STXBP2: variants seen among roughly 807,000 people sequenced by gnomAD.
STXBP2 encodes syntaxin binding protein 2, also known as syntaxin-binding protein 2.
A neutral mutation model predicts 72.2 loss-of-function variants in STXBP2; 47 were observed. The ratio of observed to expected loss-of-function variants is 0.65; its 90% confidence interval spans 0.51 to 0.83. STXBP2 has a LOEUF of 0.83. Among genes scored for constraint, STXBP2 ranks in the 40% least tolerant of loss-of-function variants. The pLI is 0.00. For missense variants in STXBP2, 702 were observed against 807.6 expected, an observed-to-expected ratio of 0.87 and a Z score of 1.58; for synonymous variants, 367 against 338.7, an observed-to-expected ratio of 1.08 and a Z score of -0.92.
rs758638420 is a variant in STXBP2, at chr19:7,647,862, G to C, written c.*52G>C. ...CTTTCCAGAGAAATAAACTCTTCCC[G>C]TCGCTCTGCCAGCCAGTGCCTACCT... On this transcript the variant is annotated 3_prime_UTR_variant, in exon 19 of 19. Transcript: ENST00000221283. 1.4e-6 allele frequency: 2 copies of C among 1,424,934 alleles called. No individual in the cohort carries two copies. Among genetic ancestry groups the C allele is most frequent in the Middle Eastern group, 1.9e-4 (1 of 5,350 alleles). The allele number at this position is 1,424,934 out of a possible 1,614,324, so 88.3% of individuals were successfully genotyped here. A position where few individuals can be genotyped will look rare whatever the true frequency, so the allele number is the denominator to read the frequency against.
intron 4 of STXBP2, 133 bp downstream of exon 4, chr19:7,639,940 ATGTGTGTGC>A: frequency 1.3e-6 from 1 of 793,350 alleles, no homozygotes; most frequent in Non-Finnish European, 2.0e-6. Flanking sequence ...ATGTGTGTGC[ATGTGTGTGC>A]ATGTGTGTGT....
At chr19:7,633,371 T>G, upstream of STXBP2, 572 of 1,543,450 alleles carry the variant, frequency 3.7e-4, no homozygotes, top group Non-Finnish European at 4.6e-4. Flanking sequence ...TCTGAGACCT[T>G]GAGCTGGGGG....
chr19:7,640,232 GTCTGTGTGTA>G (rs1568464993), intron 4 of STXBP2: 1 of 530,826 alleles, frequency 1.9e-6, no homozygotes, highest in East Asian at 4.5e-5. Context: ...CTGTGTGTGC[GTCTGTGTGTA>G]TCTGTGTGTG....
chr19:7,630,605 G>A, the STXBP2 span: 8 of 1,537,264 alleles, frequency 5.2e-6, no homozygotes, highest in South Asian at 4.8e-5. Flanking sequence ...CTGTGGCTAT[G>A]TTCTGGGTTT....
chr19:7,640,189 TGTGTGTATGC>T (rs1280746494), intron 4 of STXBP2: 12 of 556,812 alleles, frequency 2.2e-5, no homozygotes, highest in East Asian at 1.2e-4. Flanking sequence ...TCTGTGTGCA[TGTGTGTATGC>T]GTGTGTATGT....
intron 1 of STXBP2, among the ~76,000 whole-genome samples, chr19:7,637,478 C>A (rs1472690952): frequency 6.6e-6 from 1 of 151,936 alleles, no homozygotes; most frequent in Non-Finnish European, 1.5e-5. Context: ...GGGTGCCTGC[C>A]GGGGGAGGAG....
chr19:7,633,021 C>T (rs949008981), upstream of STXBP2: 128 of 1,430,410 alleles, frequency 8.9e-5, 1 homozygote, highest in East Asian at 3.2e-3. Context: ...CCAATCCCGG[C>T]CCCCGCCCCA....
rs902340006 is a variant in STXBP2 at position 7,643,339 on chromosome 19, AG to A, written c.1107+98del. 3.3e-5 allele frequency: 32 copies of A among 977,076 alleles called. No individual in the cohort carries two copies. The African/African-American group carries it at 5.7e-4, about 18-fold the overall frequency. The allele number at this position is 977,076 out of a possible 1,614,324, so 60.5% of individuals were successfully genotyped here. On this transcript the variant is annotated intron_variant, in intron 13 of 18. Coordinates refer to ENST00000221283, the MANE Select transcript of STXBP2 (RefSeq NM_006949.4). ...CTGTAGAGATGGGGGGTTCTGGGGGAGGGGCAGGGCTTGTGGAGAGGTGGAG... is the reference window on the plus strand; with the variant it reads ...CTGTAGAGATGGGGGGTTCTGGGGGAGGGCAGGGCTTGTGGAGAGGTGGAG...
upstream of STXBP2, chr19:7,632,291 A>C: frequency 6.5e-7 from 1 of 1,528,016 alleles, no homozygotes; most frequent in Non-Finnish European, 8.9e-7. This position sits in a 1 kb window ranked among gnomAD's most constrained non-coding sequence, Gnocchi z 5.2. Flanking sequence ...GCGGATGGAC[A>C]GAGATGGGGC....
In STXBP2 at chr19:7,647,490, G is replaced by A. The variant is rs1037693196; in HGVS notation, c.1675G>A (p.Gly559Ser). 1.2e-6 allele frequency: 2 copies of A among 1,604,666 alleles called. No individual in the cohort carries two copies. Among genetic ancestry groups the A allele is most frequent in the South Asian group, 1.1e-5 (1 of 90,132 alleles). The change falls in exon 18 of 19, where the codon GGC becomes AGC. Residue 559 changes from glycine (G) to serine (S), a missense_variant. Physicochemically the swap from Gly to Ser is moderately conservative, Grantham distance 56 (BLOSUM62 0). Transcript: ENST00000221283. ...CTACGAGGTGACCAGGGCCACCGAG[G>A]GCAAGTGGGAGGTGCTCATTGGTAA... ...AAYEVTRATEGKWEVLIGSSH... is the reference protein window; with the variant it reads ...AAYEVTRATESKWEVLIGSSH...
At chr19:7,632,034 T>A, upstream of STXBP2, 1 of 490,396 alleles carries the variant, frequency 2.0e-6, no homozygotes, top group Non-Finnish European at 3.5e-6. The surrounding 1 kb of genome is among the most constrained non-coding windows in gnomAD (Gnocchi z 5.2). Context: ...TTCGTGTATG[T>A]GTGAAGTCAA....
upstream of STXBP2, chr19:7,633,835 G>T (rs2031434785): frequency 4.6e-6 from 1 of 217,080 alleles, no homozygotes. Flanking sequence ...ACTTGCAGGT[G>T]TCCCCACCCA....
In STXBP2 at chr19:7,647,203, C is replaced by T. The variant is rs779034135; in HGVS notation, c.1494C>T (p.Phe498=). The T allele has an allele frequency of 1.1e-5, 18 of 1,611,882 alleles. No individual in the cohort carries two copies. Among genetic ancestry groups the T allele is most frequent in the South Asian group, 3.3e-5 (3 of 91,080 alleles). Residue 498 remains phenylalanine, a synonymous_variant, in exon 17 of 19, where the codon TTC becomes TTT. Coordinates refer to ENST00000221283, the MANE Select transcript of STXBP2 (RefSeq NM_006949.4). ...EDRLDRNLWP[F]VSDPAPTASS... ...GGCTGGACAGGAACCTGTGGCCCTT[C>T]GTATCCGACCCCGCCCCCACGGCCA... is the stretch of plus-strand genomic sequence containing the variant.
intron 4 of STXBP2, chr19:7,640,061 TGTGTATGC>T (rs2031749259): frequency 3.1e-6 from 2 of 639,224 alleles, no homozygotes; most frequent in East Asian, 3.1e-5. Context: ...TGTGTGTATG[TGTGTATGC>T]GTGTGTGTCT....
intron 4 of STXBP2, chr19:7,640,313 C>T (rs773345045): frequency 2.5e-5 from 13 of 510,440 alleles, no homozygotes; most frequent in South Asian, 1.8e-4. Context: ...TATGTGTGTG[C>T]ATCTGTGTGT....
upstream of STXBP2, chr19:7,633,359 G>T (rs377333645): frequency 1.3e-6 from 2 of 1,524,450 alleles, no homozygotes; most frequent in Middle Eastern, 1.7e-4. Context: ...TCAATCATGG[G>T]CTCTGAGACC....
intron 16 of STXBP2, chr19:7,646,761 G>A (rs1001683017): frequency 1.0e-5 from 4 of 391,634 alleles, no homozygotes; most frequent in Admixed American, 4.1e-5. Context: ...CAGAGACCTG[G>A]GCCTCCTCAT....
rs757706906 is a variant in STXBP2 at position 7,641,672 on chromosome 19, C to T, written c.430-33C>T. 3.9e-5 allele frequency: 61 copies of T among 1,549,988 alleles called. 1 individual carries two copies. Among genetic ancestry groups the T allele is most frequent in the Middle Eastern group, 2.3e-4 (1 of 4,442 alleles). On this transcript the variant is annotated intron_variant, in intron 6 of 18. Coordinates refer to ENST00000221283, the MANE Select transcript of STXBP2 (RefSeq NM_006949.4). ...CGGGGCAGGTGTGCACCTGCAGCGG[C>T]AACCCTGGTGCTTCTGTCCCCTCCT... is the stretch of plus-strand genomic sequence containing the variant.
At chr19:7,640,304 ATG>A (rs766092917) in intron 4 of STXBP2, 62 of 500,034 alleles carry the variant, frequency 1.2e-4, no homozygotes, top group South Asian at 7.0e-4. Flanking sequence ...GTGTCTATGT[ATG>A]TGTGTGCATC....
Sources: gnomAD v4.1 joint callset for allele counts (sites outside exome capture counted in the v4.1 genomes callset) on GRCh38, gnomAD v4.1.1 for gene constraint, Gnocchi (gnomAD v3.1) non-coding constraint, MANE v1.5 for transcripts, NCBI Gene and HGNC (gene_info 2026-07-23, HGNC 2026-07-21) for gene names.